The following TOMM20L variants were observed in gnomAD, a reference collection of about 807,000 sequenced individuals.
TOMM20L encodes TOMM20-like protein 1.
In TOMM20L, 19 loss-of-function variants were observed where a neutral mutation model predicts 20.4. That is an observed-to-expected ratio of 0.93 (90% CI 0.65 to 1.36). The LOEUF is 1.36. Ranked by LOEUF, TOMM20L falls within the 40% of genes most tolerant of loss-of-function variation. The pLI, the probability that TOMM20L is intolerant of heterozygous loss-of-function variation, is 0.00. For synonymous variants in TOMM20L, 75 were observed against 79.6 expected (o/e 0.94, Z 0.30); for missense variants, 218 against 203.7 (o/e 1.07, Z -0.43).
chr14:58,397,700 T>C (rs2035945842), intron 2 of TOMM20L, among the ~76,000 whole-genome samples: 1 of 151,920 alleles, frequency 6.6e-6, no homozygotes, highest in African/African-American at 2.4e-5. Flanking sequence ...GGTGGTAAGG[T>C]TGGAGAGCGA....
intron 3 of TOMM20L, 107 bp downstream of exon 3, chr14:58,402,868 C>G: frequency 1.3e-6 from 1 of 796,558 alleles, no homozygotes. Flanking sequence ...TTAGCCAACT[C>G]CCCTCATTAA....
chr14:58,416,418 T>G, the TOMM20L span, among the ~76,000 whole-genome samples: 1 of 152,106 alleles, frequency 6.6e-6, no homozygotes, highest in African/African-American at 2.4e-5. Context: ...AAAACAACTG[T>G]CAATGCAGAA....
At chr14:58,412,800 C>T (rs2036263659), downstream of TOMM20L, among the ~76,000 whole-genome samples, 3 of 152,026 alleles carry the variant, frequency 2.0e-5, no homozygotes. Flanking sequence ...ACTTGGGAAG[C>T]TGAGGCAGGA....
rs869260438 is a variant in TOMM20L at position 58,399,885 on chromosome 14, CATATATATATATATATATATATATAT to C, written c.181-2776_181-2751del. 2.7e-3 allele frequency among the ~76,000 whole-genome samples: 101 copies of C among 37,316 alleles called. 2 individuals carry two copies. Among genetic ancestry groups the C allele is most frequent in the Middle Eastern group, 0.038 (1 of 26 alleles). 24.5% of individuals were successfully genotyped at this position (37,316 alleles called of 152,430 possible). ...ATTCTTATTTTCAAATGCTCTATTG[CATATATATATATATATATATATATAT>C]ATATATATATATATATATTCCACTT... On this transcript the variant is annotated intron_variant, in intron 2 of 4. Transcript: ENST00000360945.
At chr14:58,416,286 A>T in the TOMM20L span, among the ~76,000 whole-genome samples, 1 of 152,164 alleles carries the variant, frequency 6.6e-6, no homozygotes, top group Non-Finnish European at 1.5e-5. Flanking sequence ...AGCCATTGAA[A>T]GCAGCAAGTG....
chr14:58,413,382 A>G (rs2036283478), downstream of TOMM20L, among the ~76,000 whole-genome samples: 1 of 152,252 alleles, frequency 6.6e-6, no homozygotes, highest in South Asian at 2.1e-4. Flanking sequence ...CAGTTAACAA[A>G]CACCATTTGC....
At chr14:58,402,299 C>G (rs543090869) in intron 2 of TOMM20L, among the ~76,000 whole-genome samples, 1 of 146,514 alleles carries the variant, frequency 6.8e-6, no homozygotes, top group Non-Finnish European at 1.5e-5. Flanking sequence ...TCCTTTCTTT[C>G]TTTTTTGTGA....
chr14:58,412,044 A>G (rs1334765612), downstream of TOMM20L: 1 of 1,079,966 alleles, frequency 9.3e-7, no homozygotes, highest in Admixed American at 2.0e-5. Flanking sequence ...GAGTTAGGGA[A>G]TCACTGCTCG....
intron 3 of TOMM20L, among the ~76,000 whole-genome samples, chr14:58,404,418 C>T (rs1274950428): frequency 6.6e-6 from 1 of 151,578 alleles, no homozygotes; most frequent in East Asian, 2.0e-4. Flanking sequence ...CGTGAGCCAC[C>T]GCGCCCGGCC....
At chr14:58,409,820 C>T (rs1172394169), downstream of TOMM20L, among the ~76,000 whole-genome samples, 1 of 151,872 alleles carries the variant, frequency 6.6e-6, no homozygotes, top group African/African-American at 2.4e-5. Context: ...CCTCGTGATC[C>T]GCCTGCCTCA....
chr14:58,396,277 T>A, intron 1 of TOMM20L, 21 bp from the exon 2 acceptor site: 2 of 1,612,588 alleles, frequency 1.2e-6, no homozygotes, highest in Non-Finnish European at 1.7e-6. Flanking sequence ...CCAGCCAGCA[T>A]GTGCCGTGTT....
In TOMM20L at chr14:58,407,546, A is replaced by G. The variant is rs188189196; in HGVS notation, c.405+78A>G. On this transcript the variant is annotated intron_variant, in intron 4 of 4. Coordinates refer to ENST00000360945, the MANE Select transcript of TOMM20L (RefSeq NM_207377.3). ...TATGCTTGACTACACAGAAATATCAAAGTATGTGTGTGAATTGCCCAAAAT... is the reference window on the plus strand; with the variant it reads ...TATGCTTGACTACACAGAAATATCAGAGTATGTGTGTGAATTGCCCAAAAT... The G allele has an allele frequency of 1.6e-4, 228 of 1,460,652 alleles. No individual in the cohort carries two copies. In the African/African-American group the frequency reaches 3.0e-3, roughly 19 times the overall value. The allele number at this position is 1,460,652 out of a possible 1,614,324, so 90.5% of individuals were successfully genotyped here. A position where few individuals can be genotyped will look rare whatever the true frequency, so the allele number is the denominator to read the frequency against.
chr14:58,401,927 TAG>T (rs2035998419), intron 2 of TOMM20L, among the ~76,000 whole-genome samples: 1 of 152,154 alleles, frequency 6.6e-6, no homozygotes, highest in Admixed American at 6.6e-5. Context: ...TTTCCCCGAT[TAG>T]AGAGTTACTG....
chr14:58,414,289 C>T, the TOMM20L span, among the ~76,000 whole-genome samples: 1 of 151,958 alleles, frequency 6.6e-6, no homozygotes, highest in African/African-American at 2.4e-5. Flanking sequence ...TTCGTTGAAA[C>T]TAGTAGTAAA....
At chr14:58,405,356 G>A (rs1444158307) in intron 3 of TOMM20L, among the ~76,000 whole-genome samples, 1 of 152,098 alleles carries the variant, frequency 6.6e-6, no homozygotes, top group African/African-American at 2.4e-5. Flanking sequence ...TGAATTATAA[G>A]TCAGAAGAAA....
At chr14:58,398,018 C>G (rs911904644) in intron 2 of TOMM20L, among the ~76,000 whole-genome samples, 42 of 152,088 alleles carry the variant, frequency 2.8e-4, no homozygotes, top group African/African-American at 9.9e-4. Flanking sequence ...GTCAAAGACA[C>G]TTCCGGGGTT....
At chr14:58,414,102 A>C in the TOMM20L span, among the ~76,000 whole-genome samples, 1 of 151,562 alleles carries the variant, frequency 6.6e-6, no homozygotes, top group African/African-American at 2.4e-5. Flanking sequence ...AACATGAATC[A>C]TGTACACTGT....
At chr14:58,416,313 C>T in the TOMM20L span, among the ~76,000 whole-genome samples, 2 of 152,202 alleles carry the variant, frequency 1.3e-5, no homozygotes, top group East Asian at 3.9e-4. Flanking sequence ...TATATCTTGC[C>T]TGTAGGGGTA....
At position 58,396,064 on chromosome 14, in the gene TOMM20L, A is replaced by G. The variant is rs773000450; in HGVS notation, c.107A>G (p.Asp36Gly). The G allele has an allele frequency of 1.4e-6, 2 of 1,408,560 alleles. No homozygotes were observed. Among genetic ancestry groups the G allele is most frequent in the African/African-American group, 3.0e-5 (2 of 66,858 alleles). The allele number at this position is 1,408,560 out of a possible 1,614,324, so 87.3% of individuals were successfully genotyped here. A position where few individuals can be genotyped will look rare whatever the true frequency, so the allele number is the denominator to read the frequency against. ...TACCTCAACCGGAAGCGGCGCGGGG[A>G]CCCCGCGTTCAAGCGCCGCCTGCGG... is the stretch of plus-strand genomic sequence containing the variant. ...CIYLNRKRRGDPAFKRRLRDK... is the reference protein window; with the variant it reads ...CIYLNRKRRGGPAFKRRLRDK... The change falls in exon 1 of 5, where the codon GAC becomes GGC. Residue 36 changes from aspartate to glycine, a missense_variant. Asp to Gly is a moderately conservative substitution (Grantham distance 94). Transcript: ENST00000360945.
Sources: allele counts gnomAD v4.1 joint callset (sites outside exome capture counted in the v4.1 genomes callset), GRCh38; gene constraint gnomAD v4.1.1; transcripts MANE v1.5; gene names NCBI Gene and HGNC (gene_info 2026-07-23, HGNC 2026-07-21).